B3GALT1: variants seen among roughly 807,000 people sequenced by gnomAD.
B3GALT1 encodes the protein UDP-Gal:betaGlcNAc beta 1,3-galactosyltransferase, polypeptide 1.
In B3GALT1, 10 loss-of-function variants were observed where a neutral mutation model predicts 23.2. The ratio of observed to expected loss-of-function variants is 0.43; its 90% CI spans 0.27 to 0.73. B3GALT1 has a LOEUF of 0.73. Ranked by LOEUF, B3GALT1 falls within the 30% of genes least tolerant of loss-of-function variation. The probability of loss-of-function intolerance (pLI) is 0.21; values close to 1 mark genes in which losing one functional copy is unlikely to be tolerated. For missense variants in B3GALT1, 299 were observed against 405.4 expected (o/e 0.74, Z 2.25); for synonymous variants, 156 against 141.5 (o/e 1.10, Z -0.73).
At chr2:167,829,686 T>C (rs1689304478) in intron 4 of B3GALT1, among the ~76,000 whole-genome samples, 1 of 152,150 alleles carries the variant, frequency 6.6e-6, no homozygotes, top group African/African-American at 2.4e-5. Flanking sequence ...TCCTCCTTTG[T>C]TGATATCCTT....
rs1351222175 is a variant in B3GALT1, at chr2:167,491,585, C to T, written c.-410+1308C>T. ...ATCCCAGCACTTTGGGAGGCCGAGGCGGGCAGATCACGAGGTCAGGAGATC... is the reference window on the plus strand; with the variant it reads ...ATCCCAGCACTTTGGGAGGCCGAGGTGGGCAGATCACGAGGTCAGGAGATC... On this transcript the variant is annotated intron_variant, in intron 2 of 4. Coordinates refer to ENST00000392690, the MANE Select transcript of B3GALT1 (RefSeq NM_020981.4). Among the ~76,000 whole-genome samples the T allele has an allele frequency of 4.7e-5, 7 of 147,918 alleles. 1 individual carries two copies. The Admixed American group carries it at 4.8e-4, about 10-fold the overall frequency.
At chr2:167,853,358 C>T (rs1468166055) in intron 4 of B3GALT1, among the ~76,000 whole-genome samples, 1 of 152,128 alleles carries the variant, frequency 6.6e-6, no homozygotes, top group East Asian at 1.9e-4. Context: ...TGAGAGTTCT[C>T]TATTTTTTTA....
chr2:167,437,516 C>T (rs1698808880), intron 1 of B3GALT1, among the ~76,000 whole-genome samples: 1 of 152,100 alleles, frequency 6.6e-6, no homozygotes, highest in South Asian at 2.1e-4. Context: ...CTTCAGAAAT[C>T]TAAAACACCA....
intron 3 of B3GALT1, among the ~76,000 whole-genome samples, chr2:167,702,782 A>ACCCTT (rs1319493766): frequency 6.6e-6 from 1 of 152,238 alleles, no homozygotes; most frequent in African/African-American, 2.4e-5. Flanking sequence ...TGTCAAAAAT[A>ACCCTT]AGGGATTCTT....
At position 167,546,436 on chromosome 2, in the gene B3GALT1, GT is replaced by G. The variant is rs1178115450; in HGVS notation, c.-410+56160del. On this transcript the variant is annotated intron_variant, in intron 2 of 4. Transcript: ENST00000392690. ...TCTTCCAGAGTTTGCAACTGATAAG[GT>G]ATGTCCTAAGCCCCCATCATATATC... Among the ~76,000 whole-genome samples the G allele has an allele frequency of 5.9e-5, 9 of 152,094 alleles. 1 individual carries two copies. Among genetic ancestry groups the G allele is most frequent in the African/African-American group, 2.2e-4 (9 of 41,398 alleles).
At chr2:167,550,050 T>A (rs1390896072) in intron 2 of B3GALT1, among the ~76,000 whole-genome samples, 1 of 152,230 alleles carries the variant, frequency 6.6e-6, no homozygotes, top group Non-Finnish European at 1.5e-5. Flanking sequence ...CATACCATTT[T>A]CTACTTTGTT....
At chr2:167,387,107 G>A (rs1697941132) in intron 1 of B3GALT1, among the ~76,000 whole-genome samples, 1 of 152,080 alleles carries the variant, frequency 6.6e-6, no homozygotes, top group Non-Finnish European at 1.5e-5. Flanking sequence ...GATGTACTTG[G>A]CATTGTTGTA....
At chr2:167,384,271 A>G (rs1469457321) in intron 1 of B3GALT1, among the ~76,000 whole-genome samples, 2 of 152,168 alleles carry the variant, frequency 1.3e-5, no homozygotes, top group Non-Finnish European at 2.9e-5. Flanking sequence ...CCTTAAAGAT[A>G]AGGAACTCTA....
chr2:167,759,823 A>G lies in B3GALT1; in HGVS notation c.-351-58849A>G, dbSNP rs78002008. Among the ~76,000 whole-genome samples the G allele has an allele frequency of 8.2e-4, 125 of 152,268 alleles. 1 individual carries two copies. The highest frequency in any genetic ancestry group is 2.8e-3 in the African/African-American group (116 of 41,572). On this transcript the variant is annotated intron_variant, in intron 3 of 4. Coordinates refer to ENST00000392690, the MANE Select transcript of B3GALT1 (RefSeq NM_020981.4). ...GTGGTAAGCTACTGTGTTATCTTGCAAAGTGTGTATCTTGTTATAATAGGA... is the reference window on the plus strand; with the variant it reads ...GTGGTAAGCTACTGTGTTATCTTGCGAAGTGTGTATCTTGTTATAATAGGA...
intron 4 of B3GALT1, among the ~76,000 whole-genome samples, chr2:167,835,611 G>A (rs1294506874): frequency 6.6e-6 from 1 of 152,236 alleles, no homozygotes; most frequent in Non-Finnish European, 1.5e-5. Flanking sequence ...GCAGGGCACA[G>A]ACAAACAAAA....
At chr2:167,544,104 C>T (rs907198983) in intron 2 of B3GALT1, among the ~76,000 whole-genome samples, 1 of 152,190 alleles carries the variant, frequency 6.6e-6, no homozygotes, top group African/African-American at 2.4e-5. Context: ...CCCCAGAATA[C>T]ATGCGTCCCC....
At chr2:167,822,361 C>T (rs1056061820) in intron 4 of B3GALT1, among the ~76,000 whole-genome samples, 1 of 152,120 alleles carries the variant, frequency 6.6e-6, no homozygotes, top group South Asian at 2.1e-4. Context: ...GTGCATCCTC[C>T]CTTTGTTCCA....
intron 2 of B3GALT1, among the ~76,000 whole-genome samples, chr2:167,561,947 C>T (rs1684003833): frequency 6.6e-6 from 1 of 152,202 alleles, no homozygotes; most frequent in African/African-American, 2.4e-5. Context: ...TCCTCCCTAA[C>T]TCATTTTATG....
chr2:167,570,233 A>G (rs78776801), intron 2 of B3GALT1, among the ~76,000 whole-genome samples: 3,071 of 151,988 alleles, frequency 0.02, 45 homozygotes, highest in Non-Finnish European at 0.031. Flanking sequence ...ATTATAGAGA[A>G]TTGGTGTAAT....
At chr2:167,437,038 G>A (rs1288987595) in intron 1 of B3GALT1, among the ~76,000 whole-genome samples, 1 of 152,130 alleles carries the variant, frequency 6.6e-6, no homozygotes, top group East Asian at 1.9e-4. Flanking sequence ...CCTTTCTGGG[G>A]GAAGTGTATC....
Position 167,349,318 on chromosome 2 carries a change from A to G in B3GALT1, c.-511+55984A>G, listed in dbSNP as rs143864063. Among the ~76,000 whole-genome samples, 625 of 152,246 alleles carry G rather than the reference A, an allele frequency of 4.1e-3. 9 individuals are homozygous for G. Among genetic ancestry groups the G allele is most frequent in the African/African-American group, 0.014 (601 of 41,546 alleles). ...TCCACACTGTTGACACTTCCCACCC[A>G]TGAACCGTCTGTTATCAAATCTGTT... On this transcript the variant is annotated intron_variant, in intron 1 of 4. Coordinates refer to ENST00000392690, the MANE Select transcript of B3GALT1 (RefSeq NM_020981.4).
At chr2:167,671,623 T>G (rs984264729) in intron 3 of B3GALT1, among the ~76,000 whole-genome samples, 5 of 151,910 alleles carry the variant, frequency 3.3e-5, no homozygotes, top group African/African-American at 1.2e-4. Flanking sequence ...GTGGAAAGAC[T>G]ATGGGATGCA....
In B3GALT1 at chr2:167,721,102, C is replaced by T. The variant is rs192531736; in HGVS notation, c.-352+74136C>T. Among the ~76,000 whole-genome samples the T allele has an allele frequency of 1.2e-3, 180 of 152,226 alleles. 1 individual carries two copies. The highest frequency in any genetic ancestry group is 4.2e-3 in the African/African-American group (173 of 41,528). ...TTCTCTCTCTCTCACTCTTTCTCTT[C>T]TCTCTCTCATCTCAGCCAGAAAATG... On this transcript the variant is annotated intron_variant, in intron 3 of 4. Coordinates refer to ENST00000392690, the MANE Select transcript of B3GALT1 (RefSeq NM_020981.4).
intron 1 of B3GALT1, among the ~76,000 whole-genome samples, chr2:167,388,016 T>A (rs1055889199): frequency 6.6e-6 from 1 of 152,180 alleles, no homozygotes; most frequent in African/African-American, 2.4e-5. Flanking sequence ...AAAACAAATA[T>A]TGAATGTTTT....
Sources: allele counts gnomAD v4.1 joint callset (sites outside exome capture counted in the v4.1 genomes callset), GRCh38; gene constraint gnomAD v4.1.1; transcripts MANE v1.5; gene names NCBI Gene and HGNC (gene_info 2026-07-23, HGNC 2026-07-21).